The following CHAC2 variants were observed in gnomAD, a reference collection of about 807,000 sequenced individuals.
The protein encoded by CHAC2 is ChaC glutathione specific gamma-glutamylcyclotransferase 2.
Under a neutral mutation model 16.9 loss-of-function variants are expected in CHAC2, and 20 were observed. The observed-to-expected ratio is 1.18, with a 90% confidence interval of 0.83 to 1.72. The LOEUF is 1.72. Among genes scored for constraint, CHAC2 ranks in the 40% most tolerant of loss-of-function variants. The probability of loss-of-function intolerance (pLI) is 0.00; values close to 1 mark genes in which losing one functional copy is unlikely to be tolerated. For missense variants in CHAC2, 269 were observed against 222.2 expected (o/e 1.21, Z -1.34); for synonymous variants, 91 against 77.3 (o/e 1.18, Z -0.93).
intron 2 of CHAC2, 33 bp from the exon 3 acceptor site, chr2:53,774,109 T>C (rs1674153914): frequency 6.5e-7 from 1 of 1,547,244 alleles, no homozygotes; most frequent in Admixed American, 2.1e-5. Flanking sequence ...ATTAGCCTTA[T>C]AATACCAGTG....
At chr2:53,769,714 C>T (rs769660916) in intron 1 of CHAC2, among the ~76,000 whole-genome samples, 16 of 152,156 alleles carry the variant, frequency 1.1e-4, no homozygotes, top group African/African-American at 2.2e-4. Flanking sequence ...GGCGTGGTGG[C>T]GCACGCCAGT....
chr2:53,768,103 GA>G (rs1673621237), intron 1 of CHAC2, 82 bp downstream of exon 1: 1 of 1,513,732 alleles, frequency 6.6e-7, no homozygotes, highest in African/African-American at 1.4e-5. Context: ...ACACCCTAGA[GA>G]ACCACACCTT....
At chr2:53,773,322 C>G (rs1200897592) in intron 2 of CHAC2, among the ~76,000 whole-genome samples, 1 of 152,028 alleles carries the variant, frequency 6.6e-6, no homozygotes, top group Admixed American at 6.6e-5. Context: ...CTTGCTGTGC[C>G]TATGATACAA....
rs367818994 is a variant in CHAC2 at position 53,774,217 on chromosome 2, G to T, written c.247G>T (p.Glu83Ter). The stretch of plus-strand genomic sequence containing the variant: ...AGTAAAAGCATACCTTGACTTCAGA[G>T]AAAAAGGAGGCTACAGAACCACAAC... ...EEVKAYLDFREKGGYRTTTVI... is the reference protein window; with the variant it reads ...EEVKAYLDFR Residue 83 changes from glutamate (E) to a stop codon, truncating the protein, a stop_gained, in exon 3 of 3, where the codon GAA becomes TAA. Transcript: ENST00000295304. LOFTEE classifies it high-confidence loss of function. 2.5e-6 allele frequency: 4 copies of T among 1,613,912 alleles called. No homozygotes were observed. Among genetic ancestry groups the T allele is most frequent in the Non-Finnish European group, 3.4e-6 (4 of 1,179,984 alleles).
intron 1 of CHAC2, among the ~76,000 whole-genome samples, chr2:53,769,391 C>T (rs559624848): frequency 6.6e-6 from 1 of 152,242 alleles, no homozygotes; most frequent in East Asian, 1.9e-4. Flanking sequence ...TTATAATGAC[C>T]AAGTATTAAA....
intron 2 of CHAC2, among the ~76,000 whole-genome samples, chr2:53,772,679 A>G (rs891473002): frequency 6.6e-6 from 1 of 151,732 alleles, no homozygotes; most frequent in Admixed American, 6.6e-5. Flanking sequence ...AATTGTATCA[A>G]TAGCACCTGT....
intron 1 of CHAC2, among the ~76,000 whole-genome samples, chr2:53,771,620 C>T (rs533577316): frequency 1.3e-5 from 2 of 152,076 alleles, no homozygotes; most frequent in South Asian, 2.1e-4. Context: ...TTTTAGATGA[C>T]CTTTAGTTAC....
At chr2:53,772,326 C>T (rs1436777867) in intron 2 of CHAC2, among the ~76,000 whole-genome samples, 1 of 152,108 alleles carries the variant, frequency 6.6e-6, no homozygotes, top group East Asian at 1.9e-4. Context: ...AGGCGCCCGC[C>T]ACCATGTCTG....
In CHAC2 at chr2:53,772,416, C is replaced by T. The variant is rs555332758; in HGVS notation, c.171+474C>T. 3.9e-5 allele frequency among the ~76,000 whole-genome samples: 6 copies of T among 152,192 alleles called. No homozygotes were observed. In the East Asian group the frequency reaches 9.7e-4, roughly 25 times the overall value. On this transcript the variant is annotated intron_variant, in intron 2 of 2. Transcript: ENST00000295304. ...GTCTCAATCTCCCGACCTCGTGATC[C>T]GCCCGCCTTGGCCTCCCAAAGTGCT...
intron 2 of CHAC2, among the ~76,000 whole-genome samples, chr2:53,772,237 C>G (rs182850782): frequency 3.6e-3 from 544 of 152,150 alleles, no homozygotes; most frequent in Non-Finnish European, 3.9e-3. Context: ...TGCAGTGGCG[C>G]GATCTCGGCT....
At chr2:53,772,640 G>A (rs1371006414) in intron 2 of CHAC2, among the ~76,000 whole-genome samples, 2 of 151,664 alleles carry the variant, frequency 1.3e-5, no homozygotes, top group Non-Finnish European at 2.9e-5. Flanking sequence ...AGAAATCTAA[G>A]TGAGGAATTC....
chr2:53,770,846 T>C (rs953320969), intron 1 of CHAC2, among the ~76,000 whole-genome samples: 4 of 152,188 alleles, frequency 2.6e-5, no homozygotes, highest in African/African-American at 7.2e-5. Context: ...GACCTTTAAA[T>C]AGGGCAAAGT....
Position 53,767,994 on chromosome 2 carries a change from C to A in CHAC2, c.108C>A (p.Ser36Arg). The change falls in exon 1 of 3, where the codon AGC (serine) becomes AGA (arginine). Residue 36 changes from serine to arginine, a missense_variant. Physicochemically the swap from Ser to Arg is moderately radical, Grantham distance 110 (BLOSUM62 -1). Transcript: ENST00000295304. ...ACAGCAGGCGCTTCTGGCAGGGCAGCACGGACCACCGCGGGGTCCCCGGCA... is the reference window on the plus strand; with the variant it reads ...ACAGCAGGCGCTTCTGGCAGGGCAGAACGGACCACCGCGGGGTCCCCGGCA... ...TNYSRRFWQG[S>R]TDHRGVPGKP... 6.2e-7 allele frequency: 1 copy of A among 1,611,448 alleles called. No homozygotes were observed.
intron 1 of CHAC2, 52 bp downstream of exon 1, chr2:53,768,073 C>A: frequency 1.3e-6 from 2 of 1,596,534 alleles, no homozygotes; most frequent in Non-Finnish European, 1.7e-6. Flanking sequence ...CCCTGCTCCC[C>A]AACTCCACAC....
At chr2:53,771,681 C>T (rs959380120) in intron 1 of CHAC2, among the ~76,000 whole-genome samples, 5 of 151,876 alleles carry the variant, frequency 3.3e-5, no homozygotes, top group African/African-American at 7.3e-5. Context: ...ATACCTAATA[C>T]GTATAAATTG....
chr2:53,774,112 T>C, intron 2 of CHAC2, 30 bp from the exon 3 acceptor site: 12 of 1,553,560 alleles, frequency 7.7e-6, no homozygotes, highest in Non-Finnish European at 1.0e-5. Context: ...AGCCTTATAA[T>C]ACCAGTGTAT....
Position 53,767,830 on chromosome 2 carries a change from CG to C in CHAC2, c.-55del. ...CTCGCTTACCGGAGGCTTCAGTCCCCGGCGGCGCGGCGACAGCTAGGGTTCA... is the reference window on the plus strand; with the variant it reads ...CTCGCTTACCGGAGGCTTCAGTCCCCGCGGCGCGGCGACAGCTAGGGTTCA... On this transcript the variant is annotated 5_prime_UTR_variant, in exon 1 of 3. Coordinates refer to ENST00000295304, the MANE Select transcript of CHAC2 (RefSeq NM_001008708.4). 1 of 1,552,814 alleles carries C rather than the reference CG, an allele frequency of 6.4e-7. No individual in the cohort carries two copies. The highest frequency in any genetic ancestry group is 8.7e-7 in the Non-Finnish European group (1 of 1,145,920).
Position 53,774,624 on chromosome 2 carries a change from TAA to T in CHAC2, c.*101_*102del. On this transcript the variant is annotated 3_prime_UTR_variant, in exon 3 of 3. Coordinates refer to ENST00000295304, the MANE Select transcript of CHAC2 (RefSeq NM_001008708.4). Reference sequence around the variant, plus strand: ...TTTTTAATGTAGTGAGGATATTATTTAAACTTTTATTTTAACTGGAAATGTCC... The same window carrying T: ...TTTTTAATGTAGTGAGGATATTATTTACTTTTATTTTAACTGGAAATGTCC... 1 of 870,292 alleles carries T rather than the reference TAA, an allele frequency of 1.1e-6. No homozygotes were observed. The highest frequency in any genetic ancestry group is 2.9e-5 in the East Asian group (1 of 34,822). The allele number at this position is 870,292 out of a possible 1,614,324, so 53.9% of individuals were successfully genotyped here.
At chr2:53,773,159 A>G (rs1313670988) in intron 2 of CHAC2, among the ~76,000 whole-genome samples, 1 of 152,212 alleles carries the variant, frequency 6.6e-6, no homozygotes, top group African/African-American at 2.4e-5. Context: ...TCAAATTGGT[A>G]ACTTATAACT....
Sources: gnomAD v4.1 joint callset for allele counts (sites outside exome capture counted in the v4.1 genomes callset) on GRCh38, gnomAD v4.1.1 for gene constraint, MANE v1.5 for transcripts, NCBI Gene and HGNC (gene_info 2026-07-23, HGNC 2026-07-21) for gene names.